CDH13: variants seen among roughly 807,000 people sequenced by gnomAD.
CDH13 encodes cadherin-13.
CDH13 carries 24 observed loss-of-function variants against 63.8 expected under a neutral mutation model. The observed-to-expected ratio is 0.38, with a 90% CI of 0.27 to 0.53. The LOEUF (loss-of-function observed/expected upper bound fraction) is 0.53. Among genes scored for constraint, CDH13 ranks in the 20% least tolerant of loss-of-function variants. CDH13 has a pLI of 0.85. For synonymous variants in CDH13, 503 were observed against 355.3 expected (o/e 1.42, Z -4.67); for missense variants, 1,049 against 903.1 (o/e 1.16, Z -2.07).
At chr16:82,912,681 C>T (rs910771014) in intron 2 of CDH13, among the ~76,000 whole-genome samples, 3 of 152,318 alleles carry the variant, frequency 2.0e-5, no homozygotes, top group South Asian at 2.1e-4. Context: ...CGGTGGCTCA[C>T]GCCTGTAATC....
intron 6 of CDH13, among the ~76,000 whole-genome samples, chr16:83,431,078 T>A (rs2072087902): frequency 6.6e-6 from 1 of 151,782 alleles, no homozygotes; most frequent in Non-Finnish European, 1.5e-5. Flanking sequence ...TTTGGTTTTT[T>A]GTTCTTGCGA....
intron 1 of CDH13, among the ~76,000 whole-genome samples, chr16:82,809,092 A>G (rs766957309): frequency 9.9e-5 from 15 of 152,136 alleles, no homozygotes; most frequent in Non-Finnish European, 2.1e-4. Flanking sequence ...GTATCTACAT[A>G]TATGTATTTT....
intron 8 of CDH13, among the ~76,000 whole-genome samples, chr16:83,608,930 A>G (rs1908608802): frequency 6.6e-6 from 1 of 152,186 alleles, no homozygotes; most frequent in Non-Finnish European, 1.5e-5. Flanking sequence ...CAATTACATA[A>G]GATCATTGTC....
At chr16:83,373,121 T>G (rs1020178283) in intron 6 of CDH13, among the ~76,000 whole-genome samples, 1 of 152,228 alleles carries the variant, frequency 6.6e-6, no homozygotes, top group African/African-American at 2.4e-5. Context: ...TTTGGGTATT[T>G]CCATAATATT....
chr16:82,747,340 G>A (rs8060336), intron 1 of CDH13, among the ~76,000 whole-genome samples: 2,308 of 152,250 alleles, frequency 0.015, 57 homozygotes, highest in African/African-American at 0.053. Flanking sequence ...GGTGTTTAAA[G>A]TTAAAGTATG....
intron 7 of CDH13, among the ~76,000 whole-genome samples, chr16:83,543,785 A>G (rs1236492121): frequency 6.6e-6 from 1 of 152,188 alleles, no homozygotes; most frequent in Non-Finnish European, 1.5e-5. Context: ...ATCCTACAGT[A>G]CATAACACAG....
At chr16:83,165,522 C>G (rs961656404) in intron 4 of CDH13, among the ~76,000 whole-genome samples, 1 of 152,002 alleles carries the variant, frequency 6.6e-6, no homozygotes, top group Non-Finnish European at 1.5e-5. Flanking sequence ...GTGCTAAGTT[C>G]TGTGCTGAGG....
intron 10 of CDH13, among the ~76,000 whole-genome samples, chr16:83,695,935 G>T (rs907573212): frequency 6.6e-6 from 1 of 151,664 alleles, no homozygotes; most frequent in Non-Finnish European, 1.5e-5. Context: ...TGTCACCCAG[G>T]ATGGCCTGCA....
intron 4 of CDH13, among the ~76,000 whole-genome samples, chr16:83,209,490 T>C (rs554448657): frequency 2.6e-5 from 4 of 152,192 alleles, no homozygotes; most frequent in Non-Finnish European, 4.4e-5. Flanking sequence ...GGTCTGAAAA[T>C]GTGTCTCCAG....
intron 1 of CDH13, among the ~76,000 whole-genome samples, chr16:82,698,569 T>A (rs2030613759): frequency 6.6e-6 from 1 of 152,202 alleles, no homozygotes; most frequent in African/African-American, 2.4e-5. Flanking sequence ...TGTAGCAGTG[T>A]AGCTTGGGCA....
chr16:83,028,828 C>A (rs1368221886), intron 2 of CDH13, among the ~76,000 whole-genome samples: 3 of 152,102 alleles, frequency 2.0e-5, no homozygotes, highest in African/African-American at 7.2e-5. Context: ...GAAAGCCAAG[C>A]CATGGAGATG....
chr16:83,142,160 GTT>G (rs11445521), intron 4 of CDH13, among the ~76,000 whole-genome samples: 7 of 120,370 alleles, frequency 5.8e-5, no homozygotes, highest in South Asian at 2.7e-4. Context: ...GTTTGTTTTT[GTT>G]TTTTTTTTTT....
chr16:83,687,418 A>C (rs1904413758), intron 10 of CDH13, among the ~76,000 whole-genome samples: 2 of 152,138 alleles, frequency 1.3e-5, no homozygotes, highest in South Asian at 2.1e-4. Context: ...GGGAGCCAGC[A>C]CTTCACATGT....
chr16:82,762,856 G>A (rs1409269887), intron 1 of CDH13, among the ~76,000 whole-genome samples: 1 of 152,062 alleles, frequency 6.6e-6, no homozygotes, highest in African/African-American at 2.4e-5. Context: ...TGGTTTGGGT[G>A]GGCACTCTCT....
chr16:82,833,930 C>A (rs901420034), intron 1 of CDH13, among the ~76,000 whole-genome samples: 6 of 152,174 alleles, frequency 3.9e-5, no homozygotes. Context: ...TTTAACAAAA[C>A]CCCTTTCTCG....
At chr16:83,743,826 T>A (rs957285466) in intron 10 of CDH13, among the ~76,000 whole-genome samples, 1 of 131,456 alleles carries the variant, frequency 7.6e-6, no homozygotes. Context: ...GTAATAAACC[T>A]TTACCGGGCA....
chr16:83,319,082 A>G (rs967991852), intron 5 of CDH13, among the ~76,000 whole-genome samples: 1 of 151,958 alleles, frequency 6.6e-6, no homozygotes, highest in African/African-American at 2.4e-5. Context: ...AGTGAAGCTT[A>G]GGCATGGGTT....
chr16:83,112,948 A>T (rs1372249224), intron 3 of CDH13, among the ~76,000 whole-genome samples: 1 of 152,210 alleles, frequency 6.6e-6, no homozygotes, highest in East Asian at 1.9e-4. Flanking sequence ...GGAGGAAAAC[A>T]TGTGGAACTC....
intron 8 of CDH13, among the ~76,000 whole-genome samples, chr16:83,647,529 C>T (rs530035557): frequency 7.9e-5 from 12 of 152,140 alleles, no homozygotes; most frequent in Non-Finnish European, 1.8e-4. Context: ...TATGTGTGTG[C>T]ATGCATGCGT....
Sources: gnomAD v4.1 joint callset for allele counts (sites outside exome capture counted in the v4.1 genomes callset) on GRCh38, gnomAD v4.1.1 for gene constraint, MANE v1.5 for transcripts, NCBI Gene and HGNC (gene_info 2026-07-23, HGNC 2026-07-21) for gene names.